Variants in CSMD1 observed in about 807,000 individuals in gnomAD.
The protein encoded by CSMD1 is CUB and sushi domain-containing protein 1.
CSMD1 carries 213 observed loss-of-function variants against 417.5 expected under a neutral mutation model. The ratio of observed to expected loss-of-function variants is 0.51; its 90% confidence interval spans 0.46 to 0.57. CSMD1 has a LOEUF of 0.57. CSMD1 is among the 20% of genes least tolerant of loss of function. The pLI is 0.00. For synonymous variants in CSMD1, 2,862 were observed against 1,736.8 expected, an observed-to-expected ratio of 1.65 and a Z score of -16.11; for missense variants, 6,923 against 4,529.7, an observed-to-expected ratio of 1.53 and a Z score of -15.17.
chr8:3,934,180 G>A (rs1333499853), intron 5 of CSMD1, among the ~76,000 whole-genome samples: 4 of 152,108 alleles, frequency 2.6e-5, no homozygotes, highest in South Asian at 2.1e-4. Context: ...ATAGAATCTC[G>A]GCTAAACCAT....
At chr8:2,953,216 A>AT (rs2128920752) in intron 65 of CSMD1, among the ~76,000 whole-genome samples, 1 of 152,310 alleles carries the variant, frequency 6.6e-6, no homozygotes, top group Admixed American at 6.5e-5. Context: ...TTTTTAGGTA[A>AT]TATTTAAATA....
At chr8:3,890,467 T>A (rs993653146) in intron 5 of CSMD1, among the ~76,000 whole-genome samples, 1 of 150,352 alleles carries the variant, frequency 6.7e-6, no homozygotes, top group African/African-American at 2.5e-5. Context: ...TCCAGCTGAG[T>A]GAGGGAAGTT....
intron 3 of CSMD1, among the ~76,000 whole-genome samples, chr8:4,148,660 G>A (rs961072624): frequency 6.6e-6 from 1 of 152,170 alleles, no homozygotes; most frequent in Non-Finnish European, 1.5e-5. Context: ...ATGGCAGAGA[G>A]AGGAGCGTGC....
chr8:3,351,065 T>G (rs1321946917), intron 21 of CSMD1, among the ~76,000 whole-genome samples: 2 of 152,228 alleles, frequency 1.3e-5, no homozygotes, highest in African/African-American at 4.8e-5. Context: ...ATTCACAGCT[T>G]GAAACTAAAG....
Position 3,029,434 on chromosome 8 carries a change from G to C in CSMD1, c.7740C>G (p.Tyr2580Ter). The C allele has an allele frequency of 6.2e-7, 1 of 1,610,046 alleles. No homozygotes were observed. The highest frequency in any genetic ancestry group is 1.1e-5 in the South Asian group (1 of 90,178). ...WRLVSGSLNE[Y>*]GAQVLLSCSP... ...TGCAGCTCAGCAATACTTGAGCACCGTACTCATTCAAGGATCCTGAAACCA... is the reference window on the plus strand; with the variant it reads ...TGCAGCTCAGCAATACTTGAGCACCCTACTCATTCAAGGATCCTGAAACCA... Residue 2580 changes from tyrosine to a stop codon, truncating the protein, a stop_gained, in exon 51 of 70, where the codon TAC becomes TAG. Coordinates refer to ENST00000635120, the MANE Select transcript of CSMD1 (RefSeq NM_033225.6). LOFTEE classifies it high-confidence loss of function.
chr8:3,907,190 T>A (rs771760839), intron 5 of CSMD1, among the ~76,000 whole-genome samples: 1 of 152,180 alleles, frequency 6.6e-6, no homozygotes, highest in Non-Finnish European at 1.5e-5. Flanking sequence ...GTTACCTGAA[T>A]CAGCGATCTG....
At chr8:3,753,529 A>T (rs571783867) in intron 6 of CSMD1, among the ~76,000 whole-genome samples, 23 of 152,352 alleles carry the variant, frequency 1.5e-4, no homozygotes, top group African/African-American at 5.1e-4. Flanking sequence ...ACCTTTTAGG[A>T]TTAAAAGTGA....
At chr8:4,132,047 C>CA (rs763961933) in intron 3 of CSMD1, among the ~76,000 whole-genome samples, 3 of 152,060 alleles carry the variant, frequency 2.0e-5, no homozygotes, top group Non-Finnish European at 4.4e-5. Context: ...GATGGCATAA[C>CA]AAAGGTAAAA....
chr8:3,559,313 T>C (rs1391438338), intron 10 of CSMD1, among the ~76,000 whole-genome samples: 2 of 152,168 alleles, frequency 1.3e-5, no homozygotes, highest in Admixed American at 6.5e-5. Flanking sequence ...GGAATGATTG[T>C]TTGTGATTTC....
intron 3 of CSMD1, among the ~76,000 whole-genome samples, chr8:4,321,879 TATC>T (rs1013620491): frequency 1.8e-4 from 27 of 152,182 alleles, no homozygotes; most frequent in African/African-American, 6.0e-4. Context: ...ATAAATAATA[TATC>T]ATCATTGTGA....
At chr8:4,055,030 A>T (rs971743502) in intron 3 of CSMD1, among the ~76,000 whole-genome samples, 1 of 152,202 alleles carries the variant, frequency 6.6e-6, no homozygotes, top group African/African-American at 2.4e-5. Context: ...CGCCTATTTC[A>T]CAAACTTACA....
chr8:3,585,764 A>G (rs1800572190), intron 9 of CSMD1, among the ~76,000 whole-genome samples: 2 of 152,202 alleles, frequency 1.3e-5, no homozygotes, highest in African/African-American at 4.8e-5. Context: ...CCTCACTGCA[A>G]TAGGAAAGTG....
chr8:4,195,853 G>A (rs548967326), intron 3 of CSMD1, among the ~76,000 whole-genome samples: 7 of 152,098 alleles, frequency 4.6e-5, no homozygotes, highest in African/African-American at 1.7e-4. Flanking sequence ...TTAACGCCTT[G>A]ATCATAGCAT....
At chr8:4,290,106 A>C (rs564408406) in intron 3 of CSMD1, among the ~76,000 whole-genome samples, 1 of 152,328 alleles carries the variant, frequency 6.6e-6, no homozygotes, top group Admixed American at 6.5e-5. Context: ...GTGCAACAAA[A>C]CCAAACGGAA....
intron 1 of CSMD1, among the ~76,000 whole-genome samples, chr8:4,838,174 G>A (rs1285185053): frequency 6.6e-6 from 1 of 152,182 alleles, no homozygotes; most frequent in African/African-American, 2.4e-5. Context: ...GTGGAAGTTA[G>A]CTTGTGTGCA....
intron 26 of CSMD1, among the ~76,000 whole-genome samples, chr8:3,240,931 C>A (rs1210927992): frequency 1.3e-5 from 2 of 151,822 alleles, no homozygotes; most frequent in Non-Finnish European, 2.9e-5. Context: ...AGGCTTTAAT[C>A]CTTTTAAAGC....
intron 3 of CSMD1, among the ~76,000 whole-genome samples, chr8:4,165,455 G>A (rs188251206): frequency 7.0e-4 from 106 of 152,328 alleles, no homozygotes; most frequent in African/African-American, 2.5e-3. Context: ...CGCCCAGGCT[G>A]AGTGCAATGG....
chr8:3,911,189 C>G lies in CSMD1; in HGVS notation c.818+86714G>C, dbSNP rs556123591. Among the ~76,000 whole-genome samples the G allele has an allele frequency of 4.1e-4, 62 of 152,278 alleles. 1 individual carries two copies. The South Asian group carries it at 0.011, about 28-fold the overall frequency. ...TGCAAGTGTCTGCTTCCAGACGGGT[C>G]TCTGGGGACTAGATGTCAGCATCTC... On this transcript the variant is annotated intron_variant, in intron 5 of 69. Coordinates refer to ENST00000635120, the MANE Select transcript of CSMD1 (RefSeq NM_033225.6).
chr8:2,940,563 A>T (rs113406307), intron 69 of CSMD1, among the ~76,000 whole-genome samples: 5 of 152,334 alleles, frequency 3.3e-5, no homozygotes, highest in African/African-American at 1.2e-4. Context: ...CACCGCCTTC[A>T]CGGAGACACC....
Sources: allele counts gnomAD v4.1 joint callset (sites outside exome capture counted in the v4.1 genomes callset), GRCh38; gene constraint gnomAD v4.1.1; transcripts MANE v1.5; gene names NCBI Gene and HGNC (gene_info 2026-07-23, HGNC 2026-07-21).